Variants in APBA2 observed in about 807,000 individuals in gnomAD.
APBA2 encodes the protein amyloid beta precursor protein binding family A member 2.
Under a neutral mutation model 75.0 loss-of-function variants are expected in APBA2, and 30 were observed. The observed-to-expected ratio is 0.40, with a 90% CI of 0.30 to 0.54. The LOEUF (loss-of-function observed/expected upper bound fraction) is 0.54. APBA2 is among the 20% of genes least tolerant of loss of function. APBA2 has a pLI of 0.49. For synonymous variants in APBA2, 444 were observed against 409.6 expected (o/e 1.08, Z -1.01); for missense variants, 801 against 1,016.1 (o/e 0.79, Z 2.88).
At position 29,117,721 on chromosome 15, in the gene APBA2, C is replaced by T. The variant is rs1399813273; in HGVS notation, c.*588C>T. 1 of 156,124 alleles carries T rather than the reference C, an allele frequency of 6.4e-6. No individual in the cohort carries two copies. The highest frequency in any genetic ancestry group is 2.4e-5 in the African/African-American group (1 of 41,196). The allele number at this position is 156,124 out of a possible 1,614,324, so 9.7% of individuals were successfully genotyped here. A position where few individuals can be genotyped will look rare whatever the true frequency, so the allele number is the denominator to read the frequency against. On this transcript the variant is annotated 3_prime_UTR_variant, in exon 15 of 15. Coordinates refer to ENST00000683413, the MANE Select transcript of APBA2 (RefSeq NM_001353788.2). Reference sequence around the variant, plus strand: ...GATGATGGCCACAACATGAAAACTCCATATTTATTTAGATGCTATTATTAC... The same window carrying T: ...GATGATGGCCACAACATGAAAACTCTATATTTATTTAGATGCTATTATTAC...
intron 7 of APBA2, 39 bp downstream of exon 7, chr15:29,093,259 A>T: frequency 6.2e-7 from 1 of 1,611,796 alleles, no homozygotes. Flanking sequence ...ATGCCCGCAC[A>T]CTTTGGGGGG....
chr15:28,979,533 A>G (rs2037513306), intron 2 of APBA2, among the ~76,000 whole-genome samples: 1 of 152,102 alleles, frequency 6.6e-6, no homozygotes, highest in Admixed American at 6.5e-5. Context: ...GCTGTTTGGA[A>G]TCCTTCTCTT....
At chr15:29,040,785 A>G (rs1332885298) in intron 3 of APBA2, among the ~76,000 whole-genome samples, 4 of 152,232 alleles carry the variant, frequency 2.6e-5, no homozygotes, top group Non-Finnish European at 5.9e-5. Flanking sequence ...GATGCAATCT[A>G]CAATTATTTG....
chr15:28,936,938 G>A (rs1250551867), intron 2 of APBA2, among the ~76,000 whole-genome samples: 1 of 152,170 alleles, frequency 6.6e-6, no homozygotes, highest in African/African-American at 2.4e-5. Context: ...GTGTCTCTGA[G>A]CCTTAGTCTC....
intron 6 of APBA2, among the ~76,000 whole-genome samples, chr15:29,090,942 C>T (rs1163099789): frequency 1.3e-5 from 2 of 150,914 alleles, no homozygotes; most frequent in African/African-American, 4.9e-5. Context: ...CTCTCCAAGC[C>T]CCCCAGCTAG....
chr15:29,027,290 G>A (rs1189278834), intron 3 of APBA2, among the ~76,000 whole-genome samples: 2 of 151,942 alleles, frequency 1.3e-5, no homozygotes, highest in Non-Finnish European at 2.9e-5. Flanking sequence ...CCTTTATTAG[G>A]TTACCTTGTT....
intron 2 of APBA2, among the ~76,000 whole-genome samples, chr15:28,923,875 G>GC (rs879563436): frequency 3.0e-4 from 45 of 152,226 alleles, no homozygotes; most frequent in Non-Finnish European, 4.3e-4. Context: ...TGCCTCCACC[G>GC]CCCCCCCGGG....
chr15:29,009,622 C>T (rs1200203618), intron 3 of APBA2, among the ~76,000 whole-genome samples: 1 of 151,098 alleles, frequency 6.6e-6, no homozygotes, highest in Non-Finnish European at 1.5e-5. Flanking sequence ...AATCCTAGCA[C>T]CAAATGTTAT....
intron 3 of APBA2, among the ~76,000 whole-genome samples, chr15:29,014,705 T>G (rs1480506575): frequency 2.5e-5 from 2 of 79,632 alleles, no homozygotes; most frequent in Non-Finnish European, 3.9e-5. Flanking sequence ...CATTTGACTG[T>G]TTTTTTTTTT....
In APBA2 at chr15:29,013,318, C is replaced by T. The variant is rs189939962; in HGVS notation, c.-41+17512C>T. 2.7e-3 allele frequency among the ~76,000 whole-genome samples: 326 copies of T among 121,456 alleles called. 2 individuals are homozygous for T. The highest frequency in any genetic ancestry group is 9.4e-3 in the African/African-American group (303 of 32,086). The allele number at this position is 121,456 out of a possible 152,430, so 79.7% of individuals were successfully genotyped here. A position where few individuals can be genotyped will look rare whatever the true frequency, so the allele number is the denominator to read the frequency against. On this transcript the variant is annotated intron_variant, in intron 3 of 14. Coordinates refer to ENST00000683413, the MANE Select transcript of APBA2 (RefSeq NM_001353788.2). ...TTTTTGAGACAGAGTCTTGCTCTTT[C>T]GCCCAGGCCGGACTGCAGTGGCATG...
Position 28,963,332 on chromosome 15 carries a change from G to A in APBA2, c.-94-32421G>A, listed in dbSNP as rs921211268. ...AAGGAAAGTCATGCAGCTCAGGCCC[G>A]GCAGGGGCATTGTTGAAGATCCTCA... On this transcript the variant is annotated intron_variant, in intron 2 of 14. Coordinates refer to ENST00000683413, the MANE Select transcript of APBA2 (RefSeq NM_001353788.2). Among the ~76,000 whole-genome samples the A allele has an allele frequency of 1.6e-4, 25 of 152,298 alleles. No homozygotes were observed. The East Asian group carries it at 3.7e-3, about 22-fold the overall frequency.
chr15:28,994,676 G>C lies in APBA2; in HGVS notation c.-94-1077G>C, dbSNP rs189933315. On this transcript the variant is annotated intron_variant, in intron 2 of 14. Coordinates refer to ENST00000683413, the MANE Select transcript of APBA2 (RefSeq NM_001353788.2). ...GGAAATTTCGTAATTATAACCCTCT[G>C]CTAGGGGTGTCTACCTAGGAAGTGA... 1.6e-4 allele frequency among the ~76,000 whole-genome samples: 24 copies of C among 152,312 alleles called. No individual in the cohort carries two copies. The East Asian group carries it at 2.9e-3, about 18-fold the overall frequency.
intron 13 of APBA2, chr15:29,108,641 C>G: frequency 1.7e-6 from 1 of 598,102 alleles, no homozygotes; most frequent in South Asian, 2.0e-5. Flanking sequence ...CCCTTGTCCC[C>G]ATGGTGGTTG....
chr15:29,054,399 C>T lies in APBA2; in HGVS notation c.515C>T (p.Pro172Leu). 1 of 1,614,126 alleles carries T rather than the reference C, an allele frequency of 6.2e-7. No homozygotes were observed. The highest frequency in any genetic ancestry group is 2.2e-5 in the East Asian group (1 of 44,850). Residue 172 changes from proline to leucine, a missense_variant, in exon 4 of 15, where the codon CCC becomes CTC. Around this residue, in one of 2 missense-constraint regions of APBA2, gnomAD observed 434 missense variants for 471.6 expected, o/e 0.92. Coordinates refer to ENST00000683413, the MANE Select transcript of APBA2 (RefSeq NM_001353788.2). This position sits in a 1 kb window ranked among gnomAD's most constrained non-coding sequence, Gnocchi z 6.1. ...CAACTGCCCATTCCGGAGGATGAGC[C>T]CTCCGTCCTTGAGGCCCATGACCAG... ...DGQLPIPEDEPSVLEAHDQEE... is the reference protein window; with the variant it reads ...DGQLPIPEDELSVLEAHDQEE...
chr15:29,117,283 A>AT lies in APBA2; in HGVS notation c.*157dup, dbSNP rs1012927785. On this transcript the variant is annotated 3_prime_UTR_variant, in exon 15 of 15. Coordinates refer to ENST00000683413, the MANE Select transcript of APBA2 (RefSeq NM_001353788.2). ...AGGGTGTGCCCTCACCACCCACTTG[A>AT]TTTTTTTCATTTTGCCAAAAAGGGG... 11 of 672,434 alleles carry AT rather than the reference A, an allele frequency of 1.6e-5. No individual in the cohort carries two copies. In the Admixed American group the frequency reaches 1.9e-4, roughly 12 times the overall value. 41.7% of individuals were successfully genotyped at this position (672,434 alleles called of 1,614,324 possible). A position where few individuals can be genotyped will look rare whatever the true frequency, so the allele number is the denominator to read the frequency against.
intron 3 of APBA2, among the ~76,000 whole-genome samples, chr15:29,025,623 G>T (rs1173150620): frequency 6.6e-6 from 1 of 152,040 alleles, no homozygotes; most frequent in East Asian, 2.0e-4. Context: ...GGATGGTGGT[G>T]GATTGGACCA....
At chr15:29,011,648 G>A (rs781549848) in intron 3 of APBA2, among the ~76,000 whole-genome samples, 1 of 152,208 alleles carries the variant, frequency 6.6e-6, no homozygotes, top group Admixed American at 6.5e-5. Context: ...TAATTGTGGT[G>A]TTCAAATCTT....
chr15:28,943,854 G>A (rs369403026), intron 2 of APBA2, among the ~76,000 whole-genome samples: 1 of 152,126 alleles, frequency 6.6e-6, no homozygotes, highest in Non-Finnish European at 1.5e-5. Context: ...ACCAGACACC[G>A]CCCCTACATG....
At chr15:28,892,565 C>T (rs2032205823) in intron 1 of APBA2, among the ~76,000 whole-genome samples, 1 of 151,462 alleles carries the variant, frequency 6.6e-6, no homozygotes, top group Non-Finnish European at 1.5e-5. Flanking sequence ...GATGTTTGCA[C>T]AATGATGAAA....
Sources: allele counts gnomAD v4.1 joint callset (sites outside exome capture counted in the v4.1 genomes callset), GRCh38; gene constraint gnomAD v4.1.1; regional missense constraint gnomAD v4.1.1; non-coding constraint Gnocchi (gnomAD v3.1); transcripts MANE v1.5; gene names NCBI Gene and HGNC (gene_info 2026-07-23, HGNC 2026-07-21).